The following SERGEF variants were observed in gnomAD, a reference collection of about 807,000 sequenced individuals.
SERGEF encodes secretion-regulating guanine nucleotide exchange factor.
In SERGEF, 51 loss-of-function variants were observed where a neutral mutation model predicts 50.0. That is an observed-to-expected ratio of 1.02 (90% confidence interval 0.81 to 1.29). The LOEUF is 1.29. Among genes scored for constraint, SERGEF ranks in the 50% most tolerant of loss-of-function variants. The pLI is 0.00. For synonymous variants in SERGEF, 205 were observed against 212.4 expected, an observed-to-expected ratio of 0.97 and a Z score of 0.30; for missense variants, 521 against 557.0, an observed-to-expected ratio of 0.94 and a Z score of 0.65.
intron 10 of SERGEF, among the ~76,000 whole-genome samples, chr11:17,829,603 A>G (rs1347569334): frequency 6.6e-6 from 1 of 152,206 alleles, no homozygotes; most frequent in African/African-American, 2.4e-5. Context: ...GGGGTAAACC[A>G]GTTGTCACCA....
chr11:18,003,478 T>C (rs1226163054), intron 4 of SERGEF, among the ~76,000 whole-genome samples: 1 of 152,170 alleles, frequency 6.6e-6, no homozygotes, highest in African/African-American at 2.4e-5. Flanking sequence ...ATATTGTAAG[T>C]AAAAAATGCA....
At chr11:17,878,755 T>C (rs965000592) in intron 9 of SERGEF, among the ~76,000 whole-genome samples, 3 of 152,214 alleles carry the variant, frequency 2.0e-5, no homozygotes, top group Non-Finnish European at 4.4e-5. Flanking sequence ...ACAAACTATA[T>C]GCAGTTCTTT....
intron 8 of SERGEF, among the ~76,000 whole-genome samples, chr11:17,965,302 T>C (rs1853095668): frequency 6.6e-6 from 1 of 152,212 alleles, no homozygotes; most frequent in Non-Finnish European, 1.5e-5. Flanking sequence ...GATTGTAAGT[T>C]TCCTGAGGCC....
intron 10 of SERGEF, among the ~76,000 whole-genome samples, chr11:17,824,781 C>A (rs1454302313): frequency 6.6e-6 from 1 of 152,194 alleles, no homozygotes; most frequent in Admixed American, 6.5e-5. Flanking sequence ...ATTAGGGCTC[C>A]ATCCTTAAGA....
intron 9 of SERGEF, among the ~76,000 whole-genome samples, chr11:17,952,676 T>C (rs1337179240): frequency 6.6e-6 from 1 of 152,170 alleles, no homozygotes; most frequent in African/African-American, 2.4e-5. Context: ...TTGACCAGAA[T>C]CTCCTGGAAG....
intron 9 of SERGEF, among the ~76,000 whole-genome samples, chr11:17,909,722 T>C (rs1401026471): frequency 6.6e-6 from 1 of 152,190 alleles, no homozygotes; most frequent in African/African-American, 2.4e-5. Flanking sequence ...GATATATCTC[T>C]CAAACTGAAT....
At chr11:18,006,998 G>C (rs555447724) in intron 2 of SERGEF, among the ~76,000 whole-genome samples, 2 of 152,252 alleles carry the variant, frequency 1.3e-5, no homozygotes, top group Admixed American at 1.3e-4. Context: ...GCATCTACTG[G>C]AACAAAAAGC....
chr11:17,788,438 G>C, intron 10 of SERGEF, 25 bp from the exon 11 acceptor site: 1 of 1,569,244 alleles, frequency 6.4e-7, no homozygotes, highest in Non-Finnish European at 8.7e-7. Context: ...GAAGACTGCT[G>C]TAGAAGAGGT....
chr11:17,874,894 G>T (rs1851213337), intron 10 of SERGEF, among the ~76,000 whole-genome samples: 1 of 151,656 alleles, frequency 6.6e-6, no homozygotes, highest in African/African-American at 2.4e-5. Context: ...CCTGGCCTCA[G>T]GCTTATAATT....
chr11:17,835,658 G>A (rs1565180923), intron 10 of SERGEF, among the ~76,000 whole-genome samples: 2 of 152,160 alleles, frequency 1.3e-5, no homozygotes, highest in Non-Finnish European at 2.9e-5. Context: ...TCTCTGGATG[G>A]ATGCTCAAAT....
chr11:17,925,016 T>C (rs1158336120), intron 9 of SERGEF, among the ~76,000 whole-genome samples: 2 of 152,168 alleles, frequency 1.3e-5, no homozygotes, highest in Non-Finnish European at 2.9e-5. Context: ...CATGCAAACT[T>C]GGGGATGGAG....
chr11:17,807,459 C>A (rs553806361), intron 10 of SERGEF, among the ~76,000 whole-genome samples: 2 of 152,226 alleles, frequency 1.3e-5, no homozygotes, highest in African/African-American at 4.8e-5. Context: ...CACCTGGTCC[C>A]TTTACTGATA....
chr11:17,956,572 G>A (rs911966587), intron 9 of SERGEF, among the ~76,000 whole-genome samples: 6 of 152,056 alleles, frequency 3.9e-5, no homozygotes, highest in South Asian at 4.2e-4. Flanking sequence ...GCTTTCTTTG[G>A]TTCCCAGGAA....
intron 8 of SERGEF, among the ~76,000 whole-genome samples, chr11:17,981,042 C>T (rs997549706): frequency 1.3e-5 from 2 of 152,180 alleles, no homozygotes; most frequent in Admixed American, 6.5e-5. Flanking sequence ...TTCCCAAAGC[C>T]CAACCACAAT....
At chr11:17,834,125 G>A (rs558005137) in intron 10 of SERGEF, among the ~76,000 whole-genome samples, 4 of 152,184 alleles carry the variant, frequency 2.6e-5, no homozygotes, top group Non-Finnish European at 4.4e-5. Context: ...GTTGTGACAA[G>A]GACCTGGTGG....
At chr11:17,791,437 T>C (rs1313093068) in intron 10 of SERGEF, among the ~76,000 whole-genome samples, 1 of 152,264 alleles carries the variant, frequency 6.6e-6, no homozygotes, top group Non-Finnish European at 1.5e-5. Flanking sequence ...AAGTTTTTAA[T>C]AGTATTATAA....
At chr11:17,867,535 G>C (rs1851053524) in intron 10 of SERGEF, among the ~76,000 whole-genome samples, 1 of 152,056 alleles carries the variant, frequency 6.6e-6, no homozygotes. Flanking sequence ...TGTGGCTTTT[G>C]CAGGTGCACA....
intron 10 of SERGEF, among the ~76,000 whole-genome samples, chr11:17,794,968 G>A (rs1849549911): frequency 6.6e-6 from 1 of 152,216 alleles, no homozygotes; most frequent in African/African-American, 2.4e-5. Flanking sequence ...CTGAGGCCCT[G>A]CCCCCTTCTG....
At chr11:17,990,869 C>T (rs1395968288) in intron 7 of SERGEF, among the ~76,000 whole-genome samples, 3 of 151,984 alleles carry the variant, frequency 2.0e-5, no homozygotes, top group African/African-American at 4.8e-5. Context: ...CGGGTTCATG[C>T]AATTCTCCTG....
Sources: allele counts gnomAD v4.1 joint callset (sites outside exome capture counted in the v4.1 genomes callset), GRCh38; gene constraint gnomAD v4.1.1; transcripts MANE v1.5; gene names NCBI Gene and HGNC (gene_info 2026-07-23, HGNC 2026-07-21).